The following FAM168A variants were observed in gnomAD, a reference collection of about 807,000 sequenced individuals.
FAM168A encodes the protein family with sequence similarity 168 member A.
A neutral mutation model predicts 28.5 loss-of-function variants in FAM168A; 3 were observed. The observed-to-expected ratio is 0.11, with a 90% CI of 0.05 to 0.27. The LOEUF (loss-of-function observed/expected upper bound fraction) is 0.27, where lower values mean the gene tolerates loss of function less well. Ranked by LOEUF, FAM168A falls within the 10% of genes least tolerant of loss-of-function variation. FAM168A has a pLI of 1.00. For synonymous variants in FAM168A, 122 were observed against 124.2 expected (o/e 0.98, Z 0.12); for missense variants, 222 against 311.5 (o/e 0.71, Z 2.16).
chr11:73,540,854 C>T (rs1943644771), intron 1 of FAM168A, among the ~76,000 whole-genome samples: 1 of 152,152 alleles, frequency 6.6e-6, no homozygotes, highest in African/African-American at 2.4e-5. Context: ...AACTGTATCT[C>T]CAGCACTTTG....
chr11:73,424,502 C>T (rs11235750), intron 3 of FAM168A, among the ~76,000 whole-genome samples: 4,508 of 152,140 alleles, frequency 0.03, 223 homozygotes, highest in African/African-American at 0.1. Flanking sequence ...CTGCCCCCCC[C>T]ACCTCTCACC....
intron 1 of FAM168A, among the ~76,000 whole-genome samples, chr11:73,587,925 T>C (rs1246795488): frequency 6.6e-6 from 1 of 152,088 alleles, no homozygotes; most frequent in Non-Finnish European, 1.5e-5. Context: ...AATTTTTGTA[T>C]TTTTAGTAGA....
intron 3 of FAM168A, among the ~76,000 whole-genome samples, chr11:73,427,679 TAAAG>T (rs550339792): frequency 1.6e-4 from 25 of 152,314 alleles, no homozygotes; most frequent in African/African-American, 5.8e-4. Context: ...CTAATATAGA[TAAAG>T]AACTTCAAAT....
rs1386949358 is a variant in FAM168A, at chr11:73,407,859, T to A, written c.596-216A>T. On this transcript the variant is annotated intron_variant, in intron 6 of 7. Coordinates refer to ENST00000356467, the MANE Select transcript of FAM168A (RefSeq NM_015159.3). ...GATGCTTGAGGACAGAATCAATGACTATTCTAAGTCCTCCTTTTCCTTTTT... is the reference window on the plus strand; with the variant it reads ...GATGCTTGAGGACAGAATCAATGACAATTCTAAGTCCTCCTTTTCCTTTTT... Among the ~76,000 whole-genome samples, 3 of 152,218 alleles carry A rather than the reference T, an allele frequency of 2.0e-5. No homozygotes were observed. The East Asian group carries it at 5.8e-4, about 29-fold the overall frequency.
intron 1 of FAM168A, among the ~76,000 whole-genome samples, chr11:73,552,474 G>A (rs1365833919): frequency 1.3e-5 from 2 of 152,174 alleles, no homozygotes; most frequent in African/African-American, 4.8e-5. Context: ...CTTTATAACA[G>A]TGCCTGGCAC....
At chr11:73,544,798 GTA>G (rs1475975617) in intron 1 of FAM168A, among the ~76,000 whole-genome samples, 7 of 91,618 alleles carry the variant, frequency 7.6e-5, no homozygotes, top group African/African-American at 4.0e-4. Flanking sequence ...TTTTATATAT[GTA>G]ATTATATATC....
intron 1 of FAM168A, among the ~76,000 whole-genome samples, chr11:73,577,336 TAA>T (rs1360421713): frequency 6.6e-6 from 1 of 152,248 alleles, no homozygotes; most frequent in East Asian, 1.9e-4. Flanking sequence ...ATATCTGAAT[TAA>T]AGTTTCTCTG....
chr11:73,585,158 G>C lies in FAM168A; in HGVS notation c.-19+12765C>G, dbSNP rs999024639. Among the ~76,000 whole-genome samples the C allele has an allele frequency of 1.4e-4, 22 of 152,078 alleles. 1 individual carries two copies. The highest frequency in any genetic ancestry group is 4.8e-4 in the African/African-American group (20 of 41,410). ...GTCAGCGCTTAATTTCTCTAATAAA[G>C]GTGTTTTAAAAGACAAAACATTATT... On this transcript the variant is annotated intron_variant, in intron 1 of 7. Transcript: ENST00000356467.
chr11:73,538,970 C>T (rs1244996615), intron 1 of FAM168A, among the ~76,000 whole-genome samples: 3 of 152,154 alleles, frequency 2.0e-5, no homozygotes, highest in African/African-American at 7.2e-5. Flanking sequence ...AAAAGTACTA[C>T]TACAGTAGTT....
chr11:73,574,663 AG>A (rs1052133887), intron 1 of FAM168A, among the ~76,000 whole-genome samples: 2 of 151,440 alleles, frequency 1.3e-5, no homozygotes, highest in Non-Finnish European at 2.9e-5. Flanking sequence ...TCCAGGTTCA[AG>A]TGATTCTCCT....
intron 1 of FAM168A, among the ~76,000 whole-genome samples, chr11:73,596,714 A>G (rs1944442561): frequency 1.3e-5 from 2 of 151,886 alleles, no homozygotes; most frequent in Admixed American, 1.3e-4. Flanking sequence ...CTTCACCACC[A>G]AAATAATCCA....
rs111989861 is a variant in FAM168A at position 73,484,626 on chromosome 11, A to C, written c.-18-16134T>G. 7.7e-3 allele frequency among the ~76,000 whole-genome samples: 954 copies of C among 124,356 alleles called. 12 individuals carry two copies. Among genetic ancestry groups the C allele is most frequent in the African/African-American group, 0.024 (812 of 33,938 alleles). The allele number at this position is 124,356 out of a possible 152,430, so 81.6% of individuals were successfully genotyped here. ...TCTATATCGATATATATCTATATAT[A>C]GATATCTATATCGATATCTATCTAT... On this transcript the variant is annotated intron_variant, in intron 1 of 7. Transcript: ENST00000356467.
chr11:73,513,437 C>T (rs1411495116), intron 1 of FAM168A, among the ~76,000 whole-genome samples: 3 of 150,510 alleles, frequency 2.0e-5, no homozygotes, highest in Admixed American at 2.0e-4. Flanking sequence ...AGGATGGTCT[C>T]GATCTCCTGA....
At chr11:73,423,843 C>T (rs1429854858) in intron 3 of FAM168A, among the ~76,000 whole-genome samples, 1 of 152,168 alleles carries the variant, frequency 6.6e-6, no homozygotes, top group Non-Finnish European at 1.5e-5. Context: ...TTTCAAAGGG[C>T]CAGCTTAGAG....
At chr11:73,595,242 A>T (rs1191214152) in intron 1 of FAM168A, among the ~76,000 whole-genome samples, 1 of 152,252 alleles carries the variant, frequency 6.6e-6, no homozygotes, top group African/African-American at 2.4e-5. Flanking sequence ...AATTACAGGT[A>T]ACTGCTCAAA....
chr11:73,575,957 T>C (rs1431764141), intron 1 of FAM168A, among the ~76,000 whole-genome samples: 1 of 152,202 alleles, frequency 6.6e-6, no homozygotes, highest in Non-Finnish European at 1.5e-5. Context: ...CCTCTGTGGA[T>C]ATTCCCTGCC....
intron 1 of FAM168A, among the ~76,000 whole-genome samples, chr11:73,474,892 A>G (rs1186529644): frequency 1.3e-5 from 2 of 152,156 alleles, no homozygotes; most frequent in Non-Finnish European, 2.9e-5. Flanking sequence ...TTGGCTCCCT[A>G]TCTCTCCAGC....
At chr11:73,554,608 G>T (rs544426354) in intron 1 of FAM168A, among the ~76,000 whole-genome samples, 34 of 152,058 alleles carry the variant, frequency 2.2e-4, no homozygotes, top group Non-Finnish European at 2.9e-5. Flanking sequence ...GAGATTTTAG[G>T]ACAAAAAATG....
chr11:73,426,616 A>C (rs1017393040), intron 3 of FAM168A, among the ~76,000 whole-genome samples: 4 of 152,058 alleles, frequency 2.6e-5, no homozygotes, highest in Admixed American at 2.6e-4. Context: ...CCAGTCAGGA[A>C]ATCTGCACTG....
Sources: gnomAD v4.1 joint callset for allele counts (sites outside exome capture counted in the v4.1 genomes callset) on GRCh38, gnomAD v4.1.1 for gene constraint, MANE v1.5 for transcripts, NCBI Gene and HGNC (gene_info 2026-07-23, HGNC 2026-07-21) for gene names.